Variants in CYFIP2 observed in about 807,000 individuals in gnomAD.
CYFIP2 encodes cytoplasmic FMR1 interacting protein 2.
A neutral mutation model predicts 158.7 loss-of-function variants in CYFIP2; 29 were observed. The ratio of observed to expected loss-of-function variants is 0.18; its 90% CI spans 0.14 to 0.25. The LOEUF is 0.25. CYFIP2 is among the 10% of genes least tolerant of loss of function. The pLI, the probability that CYFIP2 is intolerant of heterozygous loss-of-function variation, is 1.00. For missense variants in CYFIP2, 852 were observed against 1,639.5 expected (o/e 0.52, Z 8.29); for synonymous variants, 585 against 617.6 (o/e 0.95, Z 0.78).
At chr5:157,316,246 C>T (rs1760135629) in intron 13 of CYFIP2, among the ~76,000 whole-genome samples, 1 of 151,936 alleles carries the variant, frequency 6.6e-6, no homozygotes, top group Admixed American at 6.6e-5. Flanking sequence ...AATAAATATG[C>T]ATATACACAT....
rs373460484 is a variant in CYFIP2 at position 157,337,751 on chromosome 5, C to T, written c.2386-1306C>T. ...CAGCCGACCCTATGGTCATCCCACC[C>T]GGCCATGCTCTGATGAATTGGCCTT... On this transcript the variant is annotated intron_variant, in intron 21 of 30. Transcript: ENST00000620254. Among the ~76,000 whole-genome samples, 272 of 152,366 alleles carry T rather than the reference C, an allele frequency of 1.8e-3. 12 individuals are homozygous for T. The South Asian group carries it at 0.052, about 29-fold the overall frequency.
intron 6 of CYFIP2, 84 bp downstream of exon 6, chr5:157,300,980 C>T: frequency 2.4e-6 from 3 of 1,225,206 alleles, no homozygotes; most frequent in Non-Finnish European, 3.3e-6. Flanking sequence ...GAGAATGGAG[C>T]CCCTCTCACC....
intron 30 of CYFIP2, among the ~76,000 whole-genome samples, chr5:157,391,963 G>C (rs985306170): frequency 2.6e-4 from 39 of 151,862 alleles, no homozygotes; most frequent in South Asian, 2.1e-4. Flanking sequence ...CATCCTGAGG[G>C]GTGAAAAAGT....
At chr5:157,345,179 C>T (rs975882125) in intron 23 of CYFIP2, among the ~76,000 whole-genome samples, 6 of 152,158 alleles carry the variant, frequency 3.9e-5, no homozygotes, top group East Asian at 1.9e-4. Flanking sequence ...AATACACTTT[C>T]GACCACGATG....
intron 8 of CYFIP2, among the ~76,000 whole-genome samples, chr5:157,305,677 T>A (rs891033600): frequency 4.6e-5 from 7 of 151,832 alleles, no homozygotes; most frequent in African/African-American, 1.7e-4. Flanking sequence ...CACTCAGCTA[T>A]TTTTTTAAAA....
At chr5:157,365,299 C>A (rs1764258295) in intron 26 of CYFIP2, 1 of 152,192 alleles carries the variant, frequency 6.6e-6, no homozygotes, top group Non-Finnish European at 1.5e-5. Context: ...AGTAAGAAAT[C>A]TCTTGCCCAT....
At position 157,393,160 on chromosome 5, in the gene CYFIP2, C is replaced by A; in HGVS notation, c.*160C>A. The A allele has an allele frequency of 3.2e-6, 2 of 623,116 alleles. No homozygotes were observed. Among genetic ancestry groups the A allele is most frequent in the Non-Finnish European group, 5.3e-6 (2 of 380,366 alleles). 38.6% of individuals were successfully genotyped at this position (623,116 alleles called of 1,614,324 possible). A position where few individuals can be genotyped will look rare whatever the true frequency, so the allele number is the denominator to read the frequency against. On this transcript the variant is annotated 3_prime_UTR_variant, in exon 31 of 31. Transcript: ENST00000620254. ...ACCACTCCCTAGGGCGGGGCCTGTG[C>A]ATGCTCTCCCATGACATCTCCATGC... is the stretch of plus-strand genomic sequence containing the variant.
intron 28 of CYFIP2, among the ~76,000 whole-genome samples, chr5:157,388,265 T>G (rs937390008): frequency 1.3e-5 from 2 of 152,204 alleles, no homozygotes; most frequent in Non-Finnish European, 2.9e-5. Context: ...GTAATGTGTT[T>G]TGACATCTAG....
In CYFIP2 at chr5:157,394,923, A is replaced by G. The variant is rs1002899716; in HGVS notation, c.*1923A>G. The G allele has an allele frequency of 1.3e-5, 2 of 152,414 alleles. No homozygotes were observed. The highest frequency in any genetic ancestry group is 4.8e-5 in the African/African-American group (2 of 41,464). The allele number at this position is 152,414 out of a possible 1,614,324, so 9.4% of individuals were successfully genotyped here. ...GCTTTCAAAACATATAAAATGTCAA[A>G]GTTCCAGATCCTTCTACATCTTTAG... On this transcript the variant is annotated 3_prime_UTR_variant, in exon 31 of 31. Coordinates refer to ENST00000620254, the MANE Select transcript of CYFIP2 (RefSeq NM_001037333.3).
At chr5:157,391,471 A>T (rs967878394) in intron 30 of CYFIP2, among the ~76,000 whole-genome samples, 25 of 152,154 alleles carry the variant, frequency 1.6e-4, no homozygotes, top group Non-Finnish European at 3.7e-4. Context: ...AGCCCCTGGT[A>T]ACCATCATTC....
intron 28 of CYFIP2, 35 bp from the exon 29 acceptor site, chr5:157,389,154 G>A (rs1238450801): frequency 1.9e-6 from 3 of 1,558,342 alleles, no homozygotes; most frequent in East Asian, 2.3e-5. Context: ...GCTCTAAGAT[G>A]TGGATAGAAG....
intron 26 of CYFIP2, among the ~76,000 whole-genome samples, chr5:157,373,573 T>C (rs1765192139): frequency 6.6e-6 from 1 of 152,144 alleles, no homozygotes; most frequent in African/African-American, 2.4e-5. Context: ...TATCAAATAA[T>C]TTTGAGGAGT....
intron 9 of CYFIP2, among the ~76,000 whole-genome samples, chr5:157,309,065 G>A (rs1268004483): frequency 6.6e-6 from 1 of 152,162 alleles, no homozygotes; most frequent in African/African-American, 2.4e-5. Flanking sequence ...TTGACTTCTA[G>A]CTGGTCTGAC....
intron 23 of CYFIP2, among the ~76,000 whole-genome samples, chr5:157,355,246 C>A (rs1004678392): frequency 1.3e-5 from 2 of 152,144 alleles, no homozygotes; most frequent in Non-Finnish European, 2.9e-5. Context: ...CATAAAATTA[C>A]CCCCCACATA....
chr5:157,393,248 T>C lies in CYFIP2; in HGVS notation c.*248T>C. On this transcript the variant is annotated 3_prime_UTR_variant, in exon 31 of 31. Coordinates refer to ENST00000620254, the MANE Select transcript of CYFIP2 (RefSeq NM_001037333.3). ...AAGTAAACAGGGCAGTGTGTGCTTTTTCTTTTCTCCCCCCTCAACTATATT... is the reference window on the plus strand; with the variant it reads ...AAGTAAACAGGGCAGTGTGTGCTTTCTCTTTTCTCCCCCCTCAACTATATT... The C allele has an allele frequency of 2.6e-6, 1 of 382,798 alleles. No homozygotes were observed. The highest frequency in any genetic ancestry group is 5.9e-5 in the South Asian group (1 of 16,986). 23.7% of individuals were successfully genotyped at this position (382,798 alleles called of 1,614,324 possible).
intron 1 of CYFIP2, among the ~76,000 whole-genome samples, chr5:157,276,491 T>C (rs1756553707): frequency 6.6e-6 from 1 of 152,242 alleles, no homozygotes; most frequent in South Asian, 2.1e-4. Context: ...TTGTTCATGA[T>C]GCATAATCTT....
rs377148423 is a variant in CYFIP2, at chr5:157,339,071, G to A, written c.2400G>A (p.Leu800=). Residue 800 remains leucine (L), a synonymous_variant, in exon 22 of 31, where the codon CTG becomes CTA. Transcript: ENST00000620254. ...TCTCTGTACAGGAGCTGGAGTGGCT[G>A]CTGGAGATTAACCGGCTCACGCATC... The part of the protein sequence containing the change: ...DLTSIVELEW[L]LEINRLTHRL... 1.6e-5 allele frequency: 25 copies of A among 1,611,202 alleles called. No individual in the cohort carries two copies. Among genetic ancestry groups the A allele is most frequent in the Non-Finnish European group, 2.0e-5 (23 of 1,178,812 alleles).
At chr5:157,335,232 C>T (rs550766655) in intron 21 of CYFIP2, among the ~76,000 whole-genome samples, 168 of 152,200 alleles carry the variant, frequency 1.1e-3, no homozygotes, top group African/African-American at 3.9e-3. Context: ...CTTAGGGTTA[C>T]TATAAGGATA....
In CYFIP2 at chr5:157,393,907, AT is replaced by A. The variant is rs1204604095; in HGVS notation, c.*910del. ...GGCACAGAATTGCTTATCAAGGAAC[AT>A]TTCCACAAGAAAGAAAATATTAAGG... On this transcript the variant is annotated 3_prime_UTR_variant, in exon 31 of 31. Transcript: ENST00000620254. 1 of 152,204 alleles carries A rather than the reference AT, an allele frequency of 6.6e-6. No individual in the cohort carries two copies. The highest frequency in any genetic ancestry group is 1.9e-4 in the East Asian group (1 of 5,194). 9.4% of individuals were successfully genotyped at this position (152,204 alleles called of 1,614,324 possible).
Sources: gnomAD v4.1 joint callset for allele counts (sites outside exome capture counted in the v4.1 genomes callset) on GRCh38, gnomAD v4.1.1 for gene constraint, MANE v1.5 for transcripts, NCBI Gene and HGNC (gene_info 2026-07-23, HGNC 2026-07-21) for gene names.